ZNF451: variants seen among roughly 807,000 people sequenced by gnomAD.
ZNF451 encodes zinc finger protein 451.
In ZNF451, 80 loss-of-function variants were observed where a neutral mutation model predicts 107.1. That is an observed-to-expected ratio of 0.75 (90% confidence interval 0.62 to 0.90). The LOEUF is 0.90. Among genes scored for constraint, ZNF451 ranks in the 40% least tolerant of loss-of-function variants. The pLI is 0.00. For synonymous variants in ZNF451, 362 were observed against 406.5 expected (o/e 0.89, Z 1.32); for missense variants, 1,107 against 1,236.2 (o/e 0.90, Z 1.57).
chr6:57,096,794 G>A (rs867356727), intron 2 of ZNF451, among the ~76,000 whole-genome samples: 1 of 4,390 alleles, frequency 2.3e-4, no homozygotes, highest in Admixed American at 1.7e-3. Flanking sequence ...TTTTTTTTTT[G>A]TGACAGAGTC....
intron 3 of ZNF451, among the ~76,000 whole-genome samples, chr6:57,112,499 T>C (rs1451535036): frequency 6.6e-6 from 1 of 152,202 alleles, no homozygotes; most frequent in African/African-American, 2.4e-5. Context: ...CAGGGAGATA[T>C]TATGACTGTA....
intron 5 of ZNF451, among the ~76,000 whole-genome samples, chr6:57,132,071 A>G (rs1457322389): frequency 6.6e-6 from 1 of 152,232 alleles, no homozygotes; most frequent in Non-Finnish European, 1.5e-5. Flanking sequence ...AGAGAAAAAA[A>G]TTGTGGACAA....
At chr6:57,155,422 G>A (rs1316312400) in intron 13 of ZNF451, among the ~76,000 whole-genome samples, 1 of 152,172 alleles carries the variant, frequency 6.6e-6, no homozygotes, top group Non-Finnish European at 1.5e-5. Context: ...GGAGGCGGAG[G>A]TTGCAGTGAG....
intron 11 of ZNF451, 198 bp from the exon 12 acceptor site, chr6:57,152,023 C>G: frequency 2.1e-6 from 1 of 482,924 alleles, no homozygotes. Context: ...TTGACAGATT[C>G]AGGGAAGTTG....
intron 10 of ZNF451, chr6:57,150,482 T>C (rs1273262195): frequency 8.5e-6 from 3 of 351,094 alleles, no homozygotes; most frequent in Non-Finnish European, 1.0e-5. Context: ...TGGAAGAAAA[T>C]GTTTGCAAGA....
intron 14 of ZNF451, chr6:57,165,717 G>C (rs1763867071): frequency 6.6e-6 from 1 of 152,038 alleles, no homozygotes; most frequent in African/African-American, 2.4e-5. Context: ...AAGACAGTTG[G>C]CTTAAAGTCT....
At chr6:57,132,774 T>C (rs572947865) in intron 5 of ZNF451, among the ~76,000 whole-genome samples, 86 of 152,158 alleles carry the variant, frequency 5.7e-4, no homozygotes, top group Middle Eastern at 3.4e-3. Context: ...AGCAGGAGAA[T>C]TGATTGAGCC....
intron 3 of ZNF451, among the ~76,000 whole-genome samples, chr6:57,119,926 GGTTTACATTAGGGTTCATA>G (rs1396773859): frequency 6.6e-6 from 1 of 151,582 alleles, no homozygotes; most frequent in Non-Finnish European, 1.5e-5. Context: ...ATGTGAGCTT[GGTTTACATTAGGGTTCATA>G]GTTTACATTA....
intron 10 of ZNF451, among the ~76,000 whole-genome samples, chr6:57,150,244 GGT>G (rs1832282080): frequency 6.6e-6 from 1 of 152,008 alleles, no homozygotes; most frequent in South Asian, 2.1e-4. Context: ...TGCTCTCTAG[GGT>G]GTTTAATCCT....
intron 3 of ZNF451, chr6:57,101,499 A>G (rs1289341373): frequency 6.4e-7 from 1 of 1,550,956 alleles, no homozygotes; most frequent in African/African-American, 1.4e-5. Context: ...GAAACACAAC[A>G]TCCCCTCTAG....
At chr6:57,154,261 T>C in intron 13 of ZNF451, 1 of 599,090 alleles carries the variant, frequency 1.7e-6, no homozygotes, top group Non-Finnish European at 2.9e-6. Context: ...TTTCTGGAGC[T>C]TTTTTTGATC....
At chr6:57,144,788 G>T (rs1366807614) in intron 9 of ZNF451, among the ~76,000 whole-genome samples, 1 of 151,926 alleles carries the variant, frequency 6.6e-6, no homozygotes, top group Non-Finnish European at 1.5e-5. Context: ...AAATTAACCG[G>T]GTGTGGTGGT....
chr6:57,099,390 T>C, intron 3 of ZNF451: 1 of 705,916 alleles, frequency 1.4e-6, no homozygotes, highest in Admixed American at 2.1e-5. Context: ...AGAGGTGATA[T>C]CTGATAAAAT....
At chr6:57,109,366 A>G in intron 3 of ZNF451, 1 of 985,424 alleles carries the variant, frequency 1.0e-6, no homozygotes, top group Non-Finnish European at 1.2e-6. Context: ...GGAATGGTGC[A>G]AAGCACATGG....
At chr6:57,153,650 C>T (rs576310134) in intron 12 of ZNF451, among the ~76,000 whole-genome samples, 18 of 152,134 alleles carry the variant, frequency 1.2e-4, no homozygotes, top group African/African-American at 4.1e-4. Context: ...TGACCTCAAG[C>T]GATCCACCTG....
At chr6:57,127,716 C>A (rs1830995762) in intron 4 of ZNF451, among the ~76,000 whole-genome samples, 1 of 152,110 alleles carries the variant, frequency 6.6e-6, no homozygotes, top group Non-Finnish European at 1.5e-5. Flanking sequence ...GGTTTTTCAT[C>A]ATAAAAGGGG....
At chr6:57,157,446 A>G (rs1002632311) in intron 13 of ZNF451, among the ~76,000 whole-genome samples, 3 of 152,264 alleles carry the variant, frequency 2.0e-5, no homozygotes, top group Admixed American at 6.5e-5. Flanking sequence ...TTGTTTTAGC[A>G]TGGTGGGGAG....
intron 9 of ZNF451, among the ~76,000 whole-genome samples, chr6:57,142,831 T>C (rs1021793819): frequency 2.0e-5 from 3 of 152,214 alleles, no homozygotes; most frequent in African/African-American, 7.2e-5. Context: ...AAAGTTCTAG[T>C]TACTCTTCAC....
intron 6 of ZNF451, among the ~76,000 whole-genome samples, chr6:57,133,672 T>G (rs1562611821): frequency 6.6e-6 from 1 of 152,042 alleles, no homozygotes; most frequent in African/African-American, 2.4e-5. Flanking sequence ...GTTTGGTGGT[T>G]TTTGTTTGTT....
Sources: allele counts gnomAD v4.1 joint callset (sites outside exome capture counted in the v4.1 genomes callset), GRCh38; gene constraint gnomAD v4.1.1; transcripts MANE v1.5; gene names NCBI Gene and HGNC (gene_info 2026-07-23, HGNC 2026-07-21).